Variants in USP34 observed in about 807,000 individuals in gnomAD.
USP34 encodes the protein ubiquitin specific peptidase 34.
A neutral mutation model predicts 460.3 loss-of-function variants in USP34; 70 were observed. The ratio of observed to expected loss-of-function variants is 0.15; its 90% CI spans 0.13 to 0.19. USP34 has a LOEUF of 0.19. Ranked by LOEUF, USP34 falls within the 10% of genes least tolerant of loss-of-function variation. The probability of loss-of-function intolerance (pLI) is 1.00; values close to 1 mark genes in which losing one functional copy is unlikely to be tolerated. For missense variants in USP34, 3,985 were observed against 4,236.2 expected (o/e 0.94, Z 1.65); for synonymous variants, 1,647 against 1,405.3 (o/e 1.17, Z -3.85).
intron 1 of USP34, among the ~76,000 whole-genome samples, chr2:61,453,173 G>A (rs1021929858): frequency 1.3e-5 from 2 of 152,122 alleles, no homozygotes; most frequent in Non-Finnish European, 2.9e-5. Flanking sequence ...CACTTAGGGA[G>A]GCCGAAGCGG....
At chr2:61,465,417 G>GT (rs1220541045) in intron 1 of USP34, among the ~76,000 whole-genome samples, 1 of 152,152 alleles carries the variant, frequency 6.6e-6, no homozygotes, top group African/African-American at 2.4e-5. Flanking sequence ...TTCATAATCT[G>GT]TTACTTTTAA....
At chr2:61,307,842 G>A (rs1690460986) in intron 27 of USP34, among the ~76,000 whole-genome samples, 2 of 152,036 alleles carry the variant, frequency 1.3e-5, no homozygotes. Context: ...GAGACCAGGA[G>A]TTAAATAACC....
chr2:61,314,295 T>C (rs1690679455), intron 25 of USP34, among the ~76,000 whole-genome samples: 1 of 152,152 alleles, frequency 6.6e-6, no homozygotes, highest in Admixed American at 6.5e-5. Flanking sequence ...TCAAAGTCAA[T>C]ACTTTATCTT....
chr2:61,195,295 T>C (rs76838431), intron 75 of USP34, among the ~76,000 whole-genome samples: 2,516 of 151,756 alleles, frequency 0.017, 68 homozygotes, highest in African/African-American at 0.057. Flanking sequence ...TCCTCTTGCA[T>C]TGGCCTTTGA....
chr2:61,225,863 G>A (rs1467412826), intron 62 of USP34, among the ~76,000 whole-genome samples: 1 of 152,182 alleles, frequency 6.6e-6, no homozygotes, highest in African/African-American at 2.4e-5. Flanking sequence ...TGAATGAAAT[G>A]TGTCTAACAC....
chr2:61,307,378 T>C (rs1476671881), intron 27 of USP34, among the ~76,000 whole-genome samples: 2 of 151,708 alleles, frequency 1.3e-5, no homozygotes, highest in Non-Finnish European at 1.5e-5. Context: ...GACAAGTTAA[T>C]GGGTGCAGGA....
At chr2:61,403,903 G>T (rs751418568) in intron 3 of USP34, among the ~76,000 whole-genome samples, 7 of 141,722 alleles carry the variant, frequency 4.9e-5, no homozygotes, top group Admixed American at 7.7e-5. Context: ...TGAGGCAGGA[G>T]AATGACGTGA....
chr2:61,356,105 T>C (rs898888913), intron 10 of USP34, among the ~76,000 whole-genome samples: 1 of 151,664 alleles, frequency 6.6e-6, no homozygotes. Context: ...TGTACTCCCA[T>C]GATCACTACA....
At position 61,187,631 on chromosome 2, in the gene USP34, A is replaced by G. The variant is rs750801604; in HGVS notation, c.*471T>C. Reference sequence around the variant, plus strand: ...ATATACTGCCAGGCCACAGCTAAAGAGGATTCTTTACAGAATCAAATTTCT... The same window carrying G: ...ATATACTGCCAGGCCACAGCTAAAGGGGATTCTTTACAGAATCAAATTTCT... On this transcript the variant is annotated 3_prime_UTR_variant, in exon 80 of 80. Coordinates refer to ENST00000398571, the MANE Select transcript of USP34 (RefSeq NM_014709.4). The G allele has an allele frequency of 3.6e-4, 254 of 709,462 alleles. No homozygotes were observed. The highest frequency in any genetic ancestry group is 4.0e-4 in the Non-Finnish European group (230 of 577,466). The allele number at this position is 709,462 out of a possible 1,614,324, so 43.9% of individuals were successfully genotyped here.
intron 68 of USP34, 74 bp downstream of exon 68, chr2:61,213,986 C>A: frequency 6.4e-7 from 1 of 1,561,906 alleles, no homozygotes; most frequent in Non-Finnish European, 8.7e-7. Context: ...TCTGCCACCA[C>A]TTCCCACCAG....
intron 41 of USP34, among the ~76,000 whole-genome samples, chr2:61,269,182 G>T (rs1259641666): frequency 6.6e-6 from 1 of 152,092 alleles, no homozygotes; most frequent in Non-Finnish European, 1.5e-5. Flanking sequence ...GGAGAGTTTG[G>T]AGACGATCTC....
At chr2:61,204,174 A>G (rs1452861570) in intron 74 of USP34, 82 bp downstream of exon 74, 1 of 1,581,380 alleles carries the variant, frequency 6.3e-7, no homozygotes, top group African/African-American at 1.3e-5. Flanking sequence ...ACTTAAGTCT[A>G]ACCTATTCAT....
intron 6 of USP34, 32 bp downstream of exon 6, chr2:61,383,237 T>A (rs763399482): frequency 4.1e-6 from 6 of 1,473,520 alleles, no homozygotes. Flanking sequence ...ATTACACTGA[T>A]AATCGGGGGT....
At chr2:61,423,728 G>A (rs1357124332) in intron 1 of USP34, among the ~76,000 whole-genome samples, 3 of 152,170 alleles carry the variant, frequency 2.0e-5, no homozygotes, top group African/African-American at 7.2e-5. Flanking sequence ...AAGACTGCTT[G>A]AGGCCAGGAA....
At chr2:61,349,131 C>G in intron 13 of USP34, 119 bp downstream of exon 13, 1 of 1,257,414 alleles carries the variant, frequency 8.0e-7, no homozygotes, top group Non-Finnish European at 1.1e-6. Context: ...AGGTTTACAT[C>G]TCCTCAAAAT....
intron 3 of USP34, among the ~76,000 whole-genome samples, chr2:61,400,737 G>A (rs1259522972): frequency 2.0e-5 from 3 of 152,046 alleles, no homozygotes; most frequent in Non-Finnish European, 2.9e-5. Context: ...TGTACTCCCA[G>A]CTACTTAGGA....
intron 53 of USP34, 84 bp downstream of exon 53, chr2:61,241,476 A>C: frequency 1.0e-6 from 1 of 955,546 alleles, no homozygotes; most frequent in Non-Finnish European, 1.5e-6. Flanking sequence ...ATCAACCTGT[A>C]GAACCTGTTC....
At chr2:61,333,294 T>C (rs528974902) in intron 19 of USP34, among the ~76,000 whole-genome samples, 14 of 152,004 alleles carry the variant, frequency 9.2e-5, no homozygotes, top group South Asian at 2.1e-4. Context: ...AGACCAGAAG[T>C]GTTTCAAATT....
At chr2:61,427,261 C>T (rs1694540207) in intron 1 of USP34, among the ~76,000 whole-genome samples, 1 of 152,210 alleles carries the variant, frequency 6.6e-6, no homozygotes, top group Admixed American at 6.5e-5. Flanking sequence ...ATCTCCTGAC[C>T]TCGTGATCCA....
Sources: allele counts gnomAD v4.1 joint callset (sites outside exome capture counted in the v4.1 genomes callset), GRCh38; gene constraint gnomAD v4.1.1; transcripts MANE v1.5; gene names NCBI Gene and HGNC (gene_info 2026-07-23, HGNC 2026-07-21).